Variants in EEFSEC observed in about 807,000 individuals in gnomAD.
The protein encoded by EEFSEC is selenocysteine-specific elongation factor.
In EEFSEC, 43 loss-of-function variants were observed where a neutral mutation model predicts 42.1. The ratio of observed to expected loss-of-function variants is 1.02; its 90% CI spans 0.80 to 1.32. EEFSEC has a LOEUF of 1.32. EEFSEC is among the 40% of genes most tolerant of loss of function. The pLI is 0.00. For missense variants in EEFSEC, 745 were observed against 803.6 expected (o/e 0.93, Z 0.88); for synonymous variants, 354 against 339.1 (o/e 1.04, Z -0.48).
intron 4 of EEFSEC, among the ~76,000 whole-genome samples, chr3:128,330,717 G>A (rs1240070304): frequency 6.6e-6 from 1 of 152,014 alleles, no homozygotes; most frequent in Admixed American, 6.5e-5. Flanking sequence ...GGCACAAGGG[G>A]GCAGGGGGCA....
rs1050588683 is a variant in EEFSEC at position 128,408,362 on chromosome 3, A to C, written c.*103A>C. The C allele has an allele frequency of 7.4e-5, 93 of 1,259,194 alleles. No individual in the cohort carries two copies. The highest frequency in any genetic ancestry group is 9.5e-5 in the Non-Finnish European group (87 of 916,740). 78.0% of individuals were successfully genotyped at this position (1,259,194 alleles called of 1,614,324 possible). On this transcript the variant is annotated 3_prime_UTR_variant, in exon 7 of 7. Transcript: ENST00000254730. ...TCAGCCTCTCCCAGTCTCTCCCTGC[A>C]GTCCTGCAGCAGCAGCCCCCACCCC...
chr3:128,411,089 G>T (rs1183498245), downstream of EEFSEC, among the ~76,000 whole-genome samples: 3 of 152,238 alleles, frequency 2.0e-5, no homozygotes, highest in Non-Finnish European at 2.9e-5. Context: ...AAACCCGAGC[G>T]TCCATTAGTG....
In EEFSEC at chr3:128,367,599, G is replaced by A. The variant is rs573702143; in HGVS notation, c.1600+9226G>A. 24 of 979,626 alleles carry A rather than the reference G, an allele frequency of 2.4e-5. No individual in the cohort carries two copies. The East Asian group carries it at 2.4e-3, about 97-fold the overall frequency. 60.7% of individuals were successfully genotyped at this position (979,626 alleles called of 1,614,324 possible). A position where few individuals can be genotyped will look rare whatever the true frequency, so the allele number is the denominator to read the frequency against. On this transcript the variant is annotated intron_variant, in intron 6 of 6. Coordinates refer to ENST00000254730, the MANE Select transcript of EEFSEC (RefSeq NM_021937.5). ...CTGTTTCCACAAGGCCTACCTCAGG[G>A]ATGCCGTGAGACTGCAACATTGCTG...
intron 2 of EEFSEC, among the ~76,000 whole-genome samples, chr3:128,257,838 C>A (rs9289328): frequency 2.0e-5 from 3 of 152,228 alleles, no homozygotes; most frequent in African/African-American, 4.8e-5. Flanking sequence ...CAAGCTGTCC[C>A]CCCCCAGCAT....
At chr3:128,237,709 A>C (rs751891059) in intron 1 of EEFSEC, among the ~76,000 whole-genome samples, 84 of 152,234 alleles carry the variant, frequency 5.5e-4, no homozygotes, top group South Asian at 2.1e-4. Context: ...TTTGTCTGCT[A>C]TCTTGTCCAG....
In EEFSEC at chr3:128,345,870, T is replaced by C. The variant is rs1348111630; in HGVS notation, c.1443+3981T>C. 3.3e-5 allele frequency among the ~76,000 whole-genome samples: 5 copies of C among 152,274 alleles called. No homozygotes were observed. The East Asian group carries it at 9.6e-4, about 29-fold the overall frequency. Reference sequence around the variant, plus strand: ...TTCATTCATATATTCGGATGTTTACTGTGCTCCTACGTTTGTGCCAGGCAC... The same window carrying C: ...TTCATTCATATATTCGGATGTTTACCGTGCTCCTACGTTTGTGCCAGGCAC... On this transcript the variant is annotated intron_variant, in intron 5 of 6. Coordinates refer to ENST00000254730, the MANE Select transcript of EEFSEC (RefSeq NM_021937.5).
intron 1 of EEFSEC, among the ~76,000 whole-genome samples, chr3:128,210,411 C>G (rs1201100137): frequency 6.6e-6 from 1 of 152,192 alleles, no homozygotes; most frequent in Non-Finnish European, 1.5e-5. Context: ...CTCCAGATCT[C>G]TGGTGGGTGG....
chr3:128,341,138 G>A (rs2067245303), intron 4 of EEFSEC, 95 bp from the exon 5 acceptor site: 2 of 1,453,444 alleles, frequency 1.4e-6, no homozygotes, highest in East Asian at 2.3e-5. Flanking sequence ...TGCAGGTGGT[G>A]GTAAGCACAG....
intron 4 of EEFSEC, among the ~76,000 whole-genome samples, chr3:128,297,243 G>C (rs1020816233): frequency 6.6e-6 from 1 of 151,960 alleles, no homozygotes; most frequent in Non-Finnish European, 1.5e-5. Flanking sequence ...AGCTTGTGAG[G>C]GCTCACCGAA....
At chr3:128,298,670 C>T (rs1011730880) in intron 4 of EEFSEC, among the ~76,000 whole-genome samples, 7 of 152,194 alleles carry the variant, frequency 4.6e-5, no homozygotes, top group African/African-American at 1.7e-4. Flanking sequence ...TACGTTAGAA[C>T]ACTAGATCTT....
At chr3:128,424,960 C>T in the EEFSEC span, among the ~76,000 whole-genome samples, 2 of 151,984 alleles carry the variant, frequency 1.3e-5, no homozygotes, top group African/African-American at 4.8e-5. Flanking sequence ...GCGGGGTGGT[C>T]AGGGCCTCTC....
intron 1 of EEFSEC, among the ~76,000 whole-genome samples, chr3:128,178,350 A>C (rs908847754): frequency 6.6e-6 from 1 of 152,188 alleles, no homozygotes; most frequent in African/African-American, 2.4e-5. Context: ...AGTAACTTGT[A>C]TTTTGGGGGC....
chr3:128,363,129 T>C (rs552492180), intron 6 of EEFSEC, among the ~76,000 whole-genome samples: 8 of 152,354 alleles, frequency 5.3e-5, no homozygotes, highest in Non-Finnish European at 1.0e-4. Context: ...CTGCCCGCTG[T>C]ACAGCTGAGG....
intron 5 of EEFSEC, among the ~76,000 whole-genome samples, chr3:128,355,399 T>G (rs1419598831): frequency 6.6e-6 from 1 of 151,656 alleles, no homozygotes; most frequent in Non-Finnish European, 1.5e-5. Context: ...GTGCACAAGC[T>G]GGGACTAGCA....
chr3:128,358,248 C>G lies in EEFSEC; in HGVS notation c.1475C>G (p.Ser492Cys), dbSNP rs759526466. The change falls in exon 6 of 7, where the codon TCC (serine) becomes TGC (cysteine). Residue 492 changes from serine (S) to cysteine (C), a missense_variant. By Grantham distance (112) the Ser-to-Cys change is moderately radical (BLOSUM62 -1). Coordinates refer to ENST00000254730, the MANE Select transcript of EEFSEC (RefSeq NM_021937.5). Reference protein sequence around the residue: ...AMDDYSVIGRSLFKKETNIQL... With the variant: ...AMDDYSVIGRCLFKKETNIQL... ...GATGACTACAGTGTGATCGGCCGCTCCCTGTTCAAAAAGGAAACCAACATC... is the reference window on the plus strand; with the variant it reads ...GATGACTACAGTGTGATCGGCCGCTGCCTGTTCAAAAAGGAAACCAACATC... 1 of 1,614,058 alleles carries G rather than the reference C, an allele frequency of 6.2e-7. No individual in the cohort carries two copies. The highest frequency in any genetic ancestry group is 8.5e-7 in the Non-Finnish European group (1 of 1,180,022).
At chr3:128,245,632 T>C (rs1374977748) in intron 1 of EEFSEC, among the ~76,000 whole-genome samples, 1 of 152,106 alleles carries the variant, frequency 6.6e-6, no homozygotes, top group Non-Finnish European at 1.5e-5. Flanking sequence ...AAGAGGCCTC[T>C]TGGAACAGTG....
intron 4 of EEFSEC, among the ~76,000 whole-genome samples, chr3:128,322,870 C>T (rs2067023277): frequency 6.6e-6 from 1 of 152,172 alleles, no homozygotes; most frequent in Admixed American, 6.5e-5. Context: ...TCTGGTCTTT[C>T]TTTGCTTGAC....
chr3:128,176,353 T>C (rs1326099121), intron 1 of EEFSEC, among the ~76,000 whole-genome samples: 2 of 151,960 alleles, frequency 1.3e-5, no homozygotes, highest in African/African-American at 4.8e-5. Context: ...TGATCGGCTG[T>C]AAAATTGTGA....
chr3:128,408,170 C>G lies in EEFSEC; in HGVS notation c.1702C>G (p.Arg568Gly), dbSNP rs1301762995. Residue 568 changes from arginine to glycine, a missense_variant, in exon 7 of 7, where the codon CGG becomes GGG. Transcript: ENST00000254730. ...CACCAGGCAGGAGGAGAGCGCCGAG[C>G]GGAGCGAGCCCTCACAGCATGTGGT... ...EATRQEESAE[R>G]SEPSQHVVLS... 1 of 1,612,770 alleles carries G rather than the reference C, an allele frequency of 6.2e-7. No individual in the cohort carries two copies. The highest frequency in any genetic ancestry group is 8.5e-7 in the Non-Finnish European group (1 of 1,179,398).
Sources: gnomAD v4.1 joint callset for allele counts (sites outside exome capture counted in the v4.1 genomes callset) on GRCh38, gnomAD v4.1.1 for gene constraint, MANE v1.5 for transcripts, NCBI Gene and HGNC (gene_info 2026-07-23, HGNC 2026-07-21) for gene names.